Variants in PRRT1 observed in about 807,000 individuals in gnomAD.
The protein encoded by PRRT1 is proline-rich transmembrane protein 1.
In PRRT1, 8 loss-of-function variants were observed where a neutral mutation model predicts 22.6. The ratio of observed to expected loss-of-function variants is 0.35; its 90% confidence interval spans 0.21 to 0.64. The LOEUF is 0.64. Among genes scored for constraint, PRRT1 ranks in the 30% least tolerant of loss-of-function variants. The probability of loss-of-function intolerance (pLI) is 0.69; values close to 1 mark genes in which losing one functional copy is unlikely to be tolerated. For missense variants in PRRT1, 315 were observed against 444.5 expected (o/e 0.71, Z 2.62); for synonymous variants, 176 against 203.6 (o/e 0.86, Z 1.15).
At position 32,149,615 on chromosome 6, in the gene PRRT1, G is replaced by A; in HGVS notation, c.666C>T (p.Asp222=). ...ALLEPRRPPH[D]YMPIAVLTTI... ...TGGTCAGCACCGCGATGGGCATGTA[G>A]TCGTGTGGCGGGCGCCTCGGCTCCA... The change falls in exon 3 of 4, where the codon GAC becomes GAT. Residue 222 remains aspartate (D), a synonymous_variant. Transcript: ENST00000211413. The surrounding 1 kb of genome is among the most constrained non-coding windows in gnomAD (Gnocchi z 8.7). The A allele has an allele frequency of 2.5e-6, 4 of 1,613,046 alleles. No homozygotes were observed. Among genetic ancestry groups the A allele is most frequent in the Non-Finnish European group, 3.4e-6 (4 of 1,180,010 alleles).
rs1783197061 is a variant in PRRT1 at position 32,150,482 on chromosome 6, C to T, written c.444G>A (p.Val148=). 6.7e-7 allele frequency: 1 copy of T among 1,486,476 alleles called. No individual in the cohort carries two copies. The highest frequency in any genetic ancestry group is 8.9e-7 in the Non-Finnish European group (1 of 1,124,986). 92.1% of individuals were successfully genotyped at this position (1,486,476 alleles called of 1,614,324 possible). The part of the protein sequence containing the change: ...AQTAQAPGFV[V]PTHAGTVGTL... ...TGCCCACAGTCCCCGCGTGCGTGGG[C>T]ACCACGAAGCCAGGGGCCTGGGCAG... The change falls in exon 2 of 4, where the codon GTG becomes GTA. Residue 148 remains valine, a synonymous_variant. Coordinates refer to ENST00000211413, the MANE Select transcript of PRRT1 (RefSeq NM_030651.4). This position sits in a 1 kb window ranked among gnomAD's most constrained non-coding sequence, Gnocchi z 7.2.
In PRRT1 at chr6:32,149,279, G is replaced by A; in HGVS notation, c.864C>T (p.Ile288=). 6.2e-7 allele frequency: 1 copy of A among 1,611,744 alleles called. No individual in the cohort carries two copies. The highest frequency in any genetic ancestry group is 8.5e-7 in the Non-Finnish European group (1 of 1,179,760). Residue 288 remains isoleucine (I), a synonymous_variant, in exon 4 of 4, where the codon ATC becomes ATT. Coordinates refer to ENST00000211413, the MANE Select transcript of PRRT1 (RefSeq NM_030651.4). The surrounding 1 kb of genome is among the most constrained non-coding windows in gnomAD (Gnocchi z 8.7). The stretch of plus-strand genomic sequence containing the variant: ...CGGCGATGATGATGACTACGGTGAG[G>A]ATGGTACAGAGCACCATGGCCGCGA... ...VGIAAMVLCT[I]LTVVIIIAAQ... is the part of the protein sequence containing the mutation.
upstream of PRRT1, chr6:32,152,000 G>GGGGA: frequency 8.6e-6 from 3 of 350,432 alleles, no homozygotes; most frequent in Non-Finnish European, 1.7e-5. Flanking sequence ...GGGAGGGGGG[G>GGGGA]AGCTTAAAGG....
At position 32,151,937 on chromosome 6, in the gene PRRT1, GA is replaced by G; in HGVS notation, c.-111del. The G allele has an allele frequency of 2.0e-6, 1 of 489,874 alleles. No homozygotes were observed. Among genetic ancestry groups the G allele is most frequent in the Non-Finnish European group, 3.9e-6 (1 of 255,366 alleles). The allele number at this position is 489,874 out of a possible 1,614,324, so 30.3% of individuals were successfully genotyped here. A position where few individuals can be genotyped will look rare whatever the true frequency, so the allele number is the denominator to read the frequency against. ...GCCGGCAGCAGCGCAGAGATGGAGA[GA>G]TGAAGGCAGCGGCGGGGGGGGGGGG... On this transcript the variant is annotated 5_prime_UTR_variant, in exon 1 of 4. Coordinates refer to ENST00000211413, the MANE Select transcript of PRRT1 (RefSeq NM_030651.4).
intron 1 of PRRT1, 93 bp downstream of exon 1, chr6:32,151,716 C>A: frequency 1.4e-6 from 1 of 719,046 alleles, no homozygotes. Context: ...AATAGAACCA[C>A]AGCTGAGGAG....
At position 32,149,772 on chromosome 6, in the gene PRRT1, G is replaced by T; in HGVS notation, c.559-50C>A. 1 of 1,255,828 alleles carries T rather than the reference G, an allele frequency of 8.0e-7. No homozygotes were observed. Among genetic ancestry groups the T allele is most frequent in the Non-Finnish European group, 1.1e-6 (1 of 921,004 alleles). 77.8% of individuals were successfully genotyped at this position (1,255,828 alleles called of 1,614,324 possible). On this transcript the variant is annotated intron_variant, in intron 2 of 3. Transcript: ENST00000211413. This position sits in a 1 kb window ranked among gnomAD's most constrained non-coding sequence, Gnocchi z 8.7. ...GGGGCATCACTCTGACCCTCTCCCAGCCTACCAGCGTTGGGCGGCTGGCAG... is the reference window on the plus strand; with the variant it reads ...GGGGCATCACTCTGACCCTCTCCCATCCTACCAGCGTTGGGCGGCTGGCAG...
At position 32,148,974 on chromosome 6, in the gene PRRT1, G is replaced by C; in HGVS notation, c.*248C>G. The C allele has an allele frequency of 1.4e-6, 1 of 697,702 alleles. No individual in the cohort carries two copies. The highest frequency in any genetic ancestry group is 2.3e-4 in the Middle Eastern group (1 of 4,282). 43.2% of individuals were successfully genotyped at this position (697,702 alleles called of 1,614,324 possible). ...GTGAGGGGGCCTGGAGCGACTGAGG[G>C]TCCGGCGTTTGGCCGGGATCCCGGA... On this transcript the variant is annotated 3_prime_UTR_variant, in exon 4 of 4. Coordinates refer to ENST00000211413, the MANE Select transcript of PRRT1 (RefSeq NM_030651.4). The surrounding 1 kb of genome is among the most constrained non-coding windows in gnomAD (Gnocchi z 5.7).
Position 32,148,766 on chromosome 6 carries a change from G to A in PRRT1, c.*456C>T, listed in dbSNP as rs1285114232. 4.2e-6 allele frequency: 2 copies of A among 472,030 alleles called. No homozygotes were observed. Among genetic ancestry groups the A allele is most frequent in the Non-Finnish European group, 8.4e-6 (2 of 237,630 alleles). 29.2% of individuals were successfully genotyped at this position (472,030 alleles called of 1,614,324 possible). A position where few individuals can be genotyped will look rare whatever the true frequency, so the allele number is the denominator to read the frequency against. Reference sequence around the variant, plus strand: ...AAGAAAGGGAGGGGTCTGTCCGTCTGTGGGCGAGGCCTGGAGCCACAAACC... The same window carrying A: ...AAGAAAGGGAGGGGTCTGTCCGTCTATGGGCGAGGCCTGGAGCCACAAACC... On this transcript the variant is annotated 3_prime_UTR_variant, in exon 4 of 4. Coordinates refer to ENST00000211413, the MANE Select transcript of PRRT1 (RefSeq NM_030651.4). The surrounding 1 kb of genome is among the most constrained non-coding windows in gnomAD (Gnocchi z 5.7).
At chr6:32,151,199 C>T in intron 1 of PRRT1, 1 of 653,696 alleles carries the variant, frequency 1.5e-6, no homozygotes, top group Non-Finnish European at 2.8e-6. Context: ...CAGACCTAAT[C>T]CCCTCTCCTT....
At chr6:32,152,251 G>C (rs1783368114), upstream of PRRT1, 1 of 511,682 alleles carries the variant, frequency 2.0e-6, no homozygotes, top group Admixed American at 2.3e-5. Flanking sequence ...GGGAGGAAGT[G>C]AACAGGTTCT....
At position 32,148,606 on chromosome 6, in the gene PRRT1, A is replaced by T. The variant is rs1207031994; in HGVS notation, c.*616T>A. 1.7e-5 allele frequency: 6 copies of T among 352,568 alleles called. No individual in the cohort carries two copies. In the East Asian group the frequency reaches 4.5e-4, roughly 26 times the overall value. 21.8% of individuals were successfully genotyped at this position (352,568 alleles called of 1,614,324 possible). A position where few individuals can be genotyped will look rare whatever the true frequency, so the allele number is the denominator to read the frequency against. The stretch of plus-strand genomic sequence containing the variant: ...CACCAGGAACTTCCCAAATGTCCTT[A>T]AAAAAAGCAAAAGGAAAGGTTCTGG... On this transcript the variant is annotated 3_prime_UTR_variant, in exon 4 of 4. Transcript: ENST00000211413. This position sits in a 1 kb window ranked among gnomAD's most constrained non-coding sequence, Gnocchi z 5.7.
rs1381003431 is a variant in PRRT1, at chr6:32,148,865, CAG to C, written c.*355_*356del. ...TGCCGACCTGGAGGCGGGGTTTTGT[CAG>C]AGCTGGGGCGGTGCTTATAGAGGAG... On this transcript the variant is annotated 3_prime_UTR_variant, in exon 4 of 4. Coordinates refer to ENST00000211413, the MANE Select transcript of PRRT1 (RefSeq NM_030651.4). This position sits in a 1 kb window ranked among gnomAD's most constrained non-coding sequence, Gnocchi z 5.7. 1.8e-6 allele frequency: 1 copy of C among 569,226 alleles called. No homozygotes were observed. Among genetic ancestry groups the C allele is most frequent in the Non-Finnish European group, 3.3e-6 (1 of 300,098 alleles). 35.3% of individuals were successfully genotyped at this position (569,226 alleles called of 1,614,324 possible).
At position 32,149,799 on chromosome 6, in the gene PRRT1, G is replaced by T; in HGVS notation, c.559-77C>A. On this transcript the variant is annotated intron_variant, in intron 2 of 3. Transcript: ENST00000211413. This position sits in a 1 kb window ranked among gnomAD's most constrained non-coding sequence, Gnocchi z 8.7. The stretch of plus-strand genomic sequence containing the variant: ...CTACCAGCGTTGGGCGGCTGGCAGA[G>T]TGGCTTTAAAAGCACAATTTTTACC... 1 of 1,003,656 alleles carries T rather than the reference G, an allele frequency of 1.0e-6. No homozygotes were observed. Among genetic ancestry groups the T allele is most frequent in the African/African-American group, 1.6e-5 (1 of 61,556 alleles). 62.2% of individuals were successfully genotyped at this position (1,003,656 alleles called of 1,614,324 possible).
In PRRT1 at chr6:32,150,519, G is replaced by T. The variant is rs776546209; in HGVS notation, c.407C>A (p.Ala136Glu). The change falls in exon 2 of 4, where the codon GCG becomes GAG. Residue 136 changes from alanine (A) to glutamate (E), a missense_variant. By Grantham distance (107) the Ala-to-Glu change is moderately radical. Coordinates refer to ENST00000211413, the MANE Select transcript of PRRT1 (RefSeq NM_030651.4). The surrounding 1 kb of genome is among the most constrained non-coding windows in gnomAD (Gnocchi z 7.2). Reference sequence around the variant, plus strand: ...AGGGGCCTGGGCAGTCTGGGCTGGCGCCGGCGGGGGCGGGGCGGCGGCAGC... The same window carrying T: ...AGGGGCCTGGGCAGTCTGGGCTGGCTCCGGCGGGGGCGGGGCGGCGGCAGC... ...PPAAAAPPPPAPAQTAQAPGF... is the reference protein window; with the variant it reads ...PPAAAAPPPPEPAQTAQAPGF... The T allele has an allele frequency of 3.6e-6, 5 of 1,386,724 alleles. No individual in the cohort carries two copies. In the South Asian group the frequency reaches 8.8e-5, roughly 24 times the overall value. 85.9% of individuals were successfully genotyped at this position (1,386,724 alleles called of 1,614,324 possible). A position where few individuals can be genotyped will look rare whatever the true frequency, so the allele number is the denominator to read the frequency against.
chr6:32,151,096 C>A, intron 1 of PRRT1, 190 bp from the exon 2 acceptor site: 1 of 706,842 alleles, frequency 1.4e-6, no homozygotes, highest in Non-Finnish European at 2.6e-6. Context: ...CCATCTGCCC[C>A]CCTCCTTCTT....
At chr6:32,151,590 C>T (rs1582589156) in intron 1 of PRRT1, 19 of 593,804 alleles carry the variant, frequency 3.2e-5, no homozygotes, top group Non-Finnish European at 5.1e-5. Context: ...CCCCCCTGAC[C>T]ATGTTGTTGG....
At position 32,150,580 on chromosome 6, in the gene PRRT1, T is replaced by C; in HGVS notation, c.346A>G (p.Thr116Ala). ...RMPPDPYLQE[T>A]RFEGPLPPPP... is the part of the protein sequence containing the mutation. ...GGGGGAAGTGGGCCCTCGAAGCGAGTCTCCTGCAGGTAAGGGTCGGGTGGC... is the reference window on the plus strand; with the variant it reads ...GGGGGAAGTGGGCCCTCGAAGCGAGCCTCCTGCAGGTAAGGGTCGGGTGGC... Residue 116 changes from threonine (T) to alanine (A), a missense_variant, in exon 2 of 4, where the codon ACT (threonine) becomes GCT (alanine). Transcript: ENST00000211413. The surrounding 1 kb of genome is among the most constrained non-coding windows in gnomAD (Gnocchi z 7.2). The C allele has an allele frequency of 1.5e-6, 2 of 1,362,600 alleles. No individual in the cohort carries two copies. The highest frequency in any genetic ancestry group is 1.9e-6 in the Non-Finnish European group (2 of 1,060,704). 84.4% of individuals were successfully genotyped at this position (1,362,600 alleles called of 1,614,324 possible).
upstream of PRRT1, chr6:32,151,951 C>CGCGGGGGGGGGG: frequency 2.8e-5 from 6 of 214,880 alleles, no homozygotes; most frequent in South Asian, 5.7e-5. Context: ...AAGGCAGCGG[C>CGCGGGGGGGGGG]GGGGGGGGGG....
chr6:32,150,903 A>C lies in PRRT1; in HGVS notation c.23T>G (p.Leu8Arg), dbSNP rs1329816945. The C allele has an allele frequency of 6.3e-7, 1 of 1,575,368 alleles. No individual in the cohort carries two copies. The highest frequency in any genetic ancestry group is 2.3e-5 in the East Asian group (1 of 44,048). Residue 8 changes from leucine (L) to arginine (R), a missense_variant, in exon 2 of 4, where the codon CTC becomes CGC. By Grantham distance (102) the Leu-to-Arg change is moderately radical. Coordinates refer to ENST00000211413, the MANE Select transcript of PRRT1 (RefSeq NM_030651.4). This position sits in a 1 kb window ranked among gnomAD's most constrained non-coding sequence, Gnocchi z 7.2. ...AGAAGTGTGAGGGACTGAGTCTGGG[A>C]GTCCTGGGGGAGGTGAGTGGAGGAG... is the stretch of plus-strand genomic sequence containing the variant. MSSEKSG[L>R]PDSVPHTSPP... is the part of the protein sequence containing the mutation.
Sources: gnomAD v4.1 joint callset for allele counts on GRCh38, gnomAD v4.1.1 for gene constraint, Gnocchi (gnomAD v3.1) non-coding constraint, MANE v1.5 for transcripts, NCBI Gene and HGNC (gene_info 2026-07-23, HGNC 2026-07-21) for gene names.